The following CUX2 variants were observed in gnomAD, a reference collection of about 807,000 sequenced individuals.
CUX2 encodes the protein cut like homeobox 2, also known as homeobox protein cut-like 2.
CUX2 carries 40 observed loss-of-function variants against 144.8 expected under a neutral mutation model. The observed-to-expected ratio is 0.28, with a 90% CI of 0.21 to 0.36. CUX2 has a LOEUF of 0.36. Among genes scored for constraint, CUX2 ranks in the 10% least tolerant of loss-of-function variants. The pLI is 1.00. For missense variants in CUX2, 1,615 were observed against 1,994.0 expected, an observed-to-expected ratio of 0.81 and a Z score of 3.62; for synonymous variants, 827 against 875.6, an observed-to-expected ratio of 0.94 and a Z score of 0.98.
intron 1 of CUX2, among the ~76,000 whole-genome samples, chr12:111,089,536 T>A (rs1237449401): frequency 6.6e-6 from 1 of 152,124 alleles, no homozygotes; most frequent in Non-Finnish European, 1.5e-5. Flanking sequence ...CCTACAGTGC[T>A]CTCCTGGACC....
At chr12:111,042,789 C>T (rs553540926) in intron 1 of CUX2, among the ~76,000 whole-genome samples, 59 of 151,002 alleles carry the variant, frequency 3.9e-4, no homozygotes, top group Non-Finnish European at 6.3e-4. Flanking sequence ...ACCGCCACCA[C>T]GCCTGGCTTT....
intron 19 of CUX2, among the ~76,000 whole-genome samples, chr12:111,336,866 C>T (rs1888376727): frequency 6.6e-6 from 1 of 151,680 alleles, no homozygotes; most frequent in Non-Finnish European, 1.5e-5. Context: ...TATTGCGTTG[C>T]AACTTGCTTT....
At chr12:111,298,474 G>T (rs1245883338) in intron 8 of CUX2, 67 bp from the exon 9 acceptor site, 3 of 1,513,860 alleles carry the variant, frequency 2.0e-6, no homozygotes, top group Non-Finnish European at 2.7e-6. Flanking sequence ...GGCTGGGGGT[G>T]TCAGGAGGGG....
chr12:111,297,238 A>C (rs1328474670), intron 8 of CUX2, among the ~76,000 whole-genome samples: 1 of 141,894 alleles, frequency 7.0e-6, no homozygotes. Context: ...ACACGCCTCC[A>C]CCCTCTGGCC....
At chr12:111,315,455 G>A (rs1359515203) in intron 16 of CUX2, among the ~76,000 whole-genome samples, 3 of 152,156 alleles carry the variant, frequency 2.0e-5, no homozygotes, top group Non-Finnish European at 4.4e-5. Flanking sequence ...AGTGGCTCAC[G>A]CCTGTATAAT....
At chr12:111,187,301 G>A (rs187790190) in intron 1 of CUX2, among the ~76,000 whole-genome samples, 249 of 152,250 alleles carry the variant, frequency 1.6e-3, no homozygotes, top group Non-Finnish European at 2.8e-3. Context: ...GTAGCATTGG[G>A]GCCTTTGCAC....
rs1888993325 is a variant in CUX2 at position 111,350,155 on chromosome 12, G to C, written c.*1830G>C. ...ATAGGAAACAGTGACCATTTTCAGA[G>C]TAATCAAATCTGGAACAAATGAAAC... On this transcript the variant is annotated 3_prime_UTR_variant, in exon 22 of 22. Transcript: ENST00000261726. 6.6e-6 allele frequency: 1 copy of C among 152,482 alleles called. No homozygotes were observed. Among genetic ancestry groups the C allele is most frequent in the Non-Finnish European group, 1.5e-5 (1 of 68,024 alleles). 9.4% of individuals were successfully genotyped at this position (152,482 alleles called of 1,614,324 possible).
In CUX2 at chr12:111,291,227, TAGC is replaced by T. The variant is rs1452630060; in HGVS notation, c.302-188_302-186del. On this transcript the variant is annotated intron_variant, in intron 4 of 21. Coordinates refer to ENST00000261726, the MANE Select transcript of CUX2 (RefSeq NM_015267.4). ...GGGCAGGATACCCATACCCTGGAGATAGCAGGTGCTCCCCTGAACAAGTGCCTG... is the reference window on the plus strand; with the variant it reads ...GGGCAGGATACCCATACCCTGGAGATAGGTGCTCCCCTGAACAAGTGCCTG... Among the ~76,000 whole-genome samples, 5 of 152,258 alleles carry T rather than the reference TAGC, an allele frequency of 3.3e-5. 1 individual carries two copies. Among genetic ancestry groups the T allele is most frequent in the Admixed American group, 3.3e-4 (5 of 15,300 alleles).
intron 1 of CUX2, among the ~76,000 whole-genome samples, chr12:111,195,143 C>G (rs1004684903): frequency 2.6e-5 from 4 of 152,180 alleles, no homozygotes; most frequent in Admixed American, 1.3e-4. Flanking sequence ...CAGACAAGGC[C>G]TTTTCTGTAT....
At chr12:111,047,620 G>C (rs1018405932) in intron 1 of CUX2, among the ~76,000 whole-genome samples, 2 of 152,132 alleles carry the variant, frequency 1.3e-5, no homozygotes, top group Non-Finnish European at 2.9e-5. Flanking sequence ...GCCCAGGGAG[G>C]TTCATTTACT....
chr12:111,191,916 G>A (rs1879914873), intron 1 of CUX2, among the ~76,000 whole-genome samples: 1 of 152,140 alleles, frequency 6.6e-6, no homozygotes, highest in African/African-American at 2.4e-5. Flanking sequence ...TTCAGGTTGT[G>A]GGGAGCAGGA....
intron 3 of CUX2, among the ~76,000 whole-genome samples, chr12:111,230,013 C>CA (rs532647802): frequency 0.052 from 4,054 of 77,852 alleles, 92 homozygotes; most frequent in African/African-American, 0.11. Context: ...GACCCTGTCT[C>CA]AAAAAAAAAA....
rs376212729 is a variant in CUX2 at position 111,205,190 on chromosome 12, T to C, written c.64-9010T>C. Among the ~76,000 whole-genome samples the C allele has an allele frequency of 4.6e-3, 697 of 151,952 alleles. 3 individuals are homozygous for C. The highest frequency in any genetic ancestry group is 7.9e-3 in the South Asian group (38 of 4,796). ...ACTTATGGCAGGCCGGCGGGTGCCC[T>C]CCATCCCGGGTCATCCCCCAGCCCC... On this transcript the variant is annotated intron_variant, in intron 1 of 21. Coordinates refer to ENST00000261726, the MANE Select transcript of CUX2 (RefSeq NM_015267.4).
At position 111,341,795 on chromosome 12, in the gene CUX2, G is replaced by T; in HGVS notation, c.3401G>T (p.Arg1134Leu). ...CTGGCCCCAGCCTACCTGAAACGTC[G>T]CTATGGCCTCATCAGCACCGGCTCA... ...KLEKKAYLKR[R>L]YGLISTGSDS... The change falls in exon 21 of 22, where the codon CGC becomes CTC. Residue 1134 changes from arginine to leucine, a missense_variant. Physicochemically the swap from Arg to Leu is moderately radical, Grantham distance 102 (BLOSUM62 -2). This residue lies in a region of CUX2 where 131 missense variants were observed against 223.1 expected (regional missense o/e 0.59). Transcript: ENST00000261726. The T allele has an allele frequency of 6.2e-7, 1 of 1,603,294 alleles. No homozygotes were observed. Among genetic ancestry groups the T allele is most frequent in the African/African-American group, 1.3e-5 (1 of 74,742 alleles).
intron 1 of CUX2, among the ~76,000 whole-genome samples, chr12:111,106,900 G>A (rs1873642455): frequency 6.6e-6 from 1 of 152,232 alleles, no homozygotes; most frequent in African/African-American, 2.4e-5. Context: ...GGAGAGGCAA[G>A]GATGTAGTGG....
chr12:111,179,931 G>A (rs893315542), intron 1 of CUX2, among the ~76,000 whole-genome samples: 4 of 152,128 alleles, frequency 2.6e-5, no homozygotes, highest in Admixed American at 1.3e-4. Context: ...GGACCTGCCC[G>A]CCTGGCCCAC....
intron 1 of CUX2, among the ~76,000 whole-genome samples, chr12:111,147,314 A>G (rs1471346025): frequency 6.6e-6 from 1 of 152,102 alleles, no homozygotes. Flanking sequence ...GGGAGGGGAG[A>G]GGAGGTCCTA....
chr12:111,338,562 G>T (rs1354240156), intron 20 of CUX2, 88 bp downstream of exon 20: 7 of 1,300,320 alleles, frequency 5.4e-6, no homozygotes, highest in Non-Finnish European at 7.4e-6. Context: ...TAAACCCAGG[G>T]CTCCCATGGT....
chr12:111,113,393 C>G (rs558709198), intron 1 of CUX2, among the ~76,000 whole-genome samples: 11 of 152,138 alleles, frequency 7.2e-5, no homozygotes, highest in African/African-American at 2.2e-4. Context: ...CCATCACCCC[C>G]CGAAATTTCC....
Sources: gnomAD v4.1 joint callset for allele counts (sites outside exome capture counted in the v4.1 genomes callset) on GRCh38, gnomAD v4.1.1 for gene constraint, gnomAD v4.1.1 regional missense constraint, MANE v1.5 for transcripts, NCBI Gene and HGNC (gene_info 2026-07-23, HGNC 2026-07-21) for gene names.